SDK1: variants seen among roughly 807,000 people sequenced by gnomAD.
SDK1 encodes the protein protein sidekick-1.
A neutral mutation model predicts 245.5 loss-of-function variants in SDK1; 157 were observed. The ratio of observed to expected loss-of-function variants is 0.64; its 90% confidence interval spans 0.56 to 0.73. The LOEUF (loss-of-function observed/expected upper bound fraction) is 0.73. SDK1 is among the 30% of genes least tolerant of loss of function. The pLI, the probability that SDK1 is intolerant of heterozygous loss-of-function variation, is 0.00. For missense variants in SDK1, 3,583 were observed against 3,002.3 expected (o/e 1.19, Z -4.52); for synonymous variants, 1,647 against 1,278.5 (o/e 1.29, Z -6.15).
intron 1 of SDK1, among the ~76,000 whole-genome samples, chr7:3,458,314 G>A (rs1291571637): frequency 6.6e-6 from 1 of 151,930 alleles, no homozygotes; most frequent in Non-Finnish European, 1.5e-5. Flanking sequence ...AATTCATTTA[G>A]GATATAAGCT....
chr7:3,671,151 G>A (rs1194608360), intron 4 of SDK1, among the ~76,000 whole-genome samples: 2 of 152,184 alleles, frequency 1.3e-5, no homozygotes, highest in Non-Finnish European at 2.9e-5. Flanking sequence ...TCATTACTCA[G>A]TATATTTAGA....
intron 28 of SDK1, among the ~76,000 whole-genome samples, chr7:4,145,056 C>T (rs573013155): frequency 6.6e-6 from 1 of 152,304 alleles, no homozygotes; most frequent in East Asian, 1.9e-4. Context: ...GTCTGGTCAA[C>T]CCCAAGCCCC....
In SDK1 at chr7:4,258,043, G is replaced by A. The variant is rs117206844; in HGVS notation, c.6382-7081G>A. Among the ~76,000 whole-genome samples, 32 of 152,266 alleles carry A rather than the reference G, an allele frequency of 2.1e-4. 1 individual carries two copies. In the East Asian group the frequency reaches 3.1e-3, roughly 15 times the overall value. ...CAAGCACTCCCAATTTGTGTCTCCCGCCAGGCCCCCTTCTTGGCACCCACA... is the reference window on the plus strand; with the variant it reads ...CAAGCACTCCCAATTTGTGTCTCCCACCAGGCCCCCTTCTTGGCACCCACA... On this transcript the variant is annotated intron_variant, in intron 44 of 44. Transcript: ENST00000404826.
intron 17 of SDK1, among the ~76,000 whole-genome samples, chr7:4,038,943 A>G (rs1055309238): frequency 1.3e-5 from 2 of 152,246 alleles, no homozygotes; most frequent in Non-Finnish European, 2.9e-5. Flanking sequence ...TTATTGGAAA[A>G]TGCAAATCTG....
At chr7:3,811,845 A>G (rs1161503702) in intron 4 of SDK1, among the ~76,000 whole-genome samples, 1 of 152,228 alleles carries the variant, frequency 6.6e-6, no homozygotes, top group African/African-American at 2.4e-5. Flanking sequence ...AGGCTAGAGA[A>G]CTGGGTCTGT....
intron 1 of SDK1, among the ~76,000 whole-genome samples, chr7:3,528,931 G>A (rs1783246565): frequency 6.6e-6 from 1 of 152,138 alleles, no homozygotes; most frequent in Non-Finnish European, 1.5e-5. Flanking sequence ...AGCTACAGGG[G>A]CTGAAGAAGG....
chr7:4,000,241 G>A (rs987277744), intron 14 of SDK1, among the ~76,000 whole-genome samples: 5 of 152,236 alleles, frequency 3.3e-5, no homozygotes, highest in Non-Finnish European at 5.9e-5. Context: ...TGCTGAGGCT[G>A]AGATGATGTT....
intron 4 of SDK1, among the ~76,000 whole-genome samples, chr7:3,794,888 G>T (rs1002923451): frequency 1.1e-4 from 16 of 151,420 alleles, no homozygotes; most frequent in African/African-American, 2.4e-5. Flanking sequence ...ATGAATTTTT[G>T]GACACTAAAC....
intron 19 of SDK1, among the ~76,000 whole-genome samples, chr7:4,067,561 A>C (rs1779984437): frequency 6.6e-6 from 1 of 152,210 alleles, no homozygotes; most frequent in Admixed American, 6.5e-5. Flanking sequence ...GATTAGATCA[A>C]GGAGAAAGAC....
At chr7:3,640,409 T>A (rs1329320380) in intron 3 of SDK1, among the ~76,000 whole-genome samples, 1 of 152,182 alleles carries the variant, frequency 6.6e-6, no homozygotes, top group East Asian at 1.9e-4. Flanking sequence ...ATAAGCCTAA[T>A]GACTGAGTGA....
chr7:3,347,442 G>A (rs1191393343), intron 1 of SDK1, among the ~76,000 whole-genome samples: 1 of 152,056 alleles, frequency 6.6e-6, no homozygotes, highest in Non-Finnish European at 1.5e-5. Context: ...TGATGAAGTT[G>A]GAACAAAATA....
intron 28 of SDK1, among the ~76,000 whole-genome samples, chr7:4,143,517 G>C (rs1217424574): frequency 6.6e-6 from 1 of 152,186 alleles, no homozygotes; most frequent in Admixed American, 6.5e-5. Context: ...AACTGAGGCT[G>C]GGAGAGGCTG....
intron 2 of SDK1, among the ~76,000 whole-genome samples, chr7:3,632,806 A>G (rs1413989099): frequency 1.3e-5 from 2 of 152,112 alleles, no homozygotes; most frequent in Non-Finnish European, 2.9e-5. Context: ...TCACATATAT[A>G]TCTCTCTCTT....
chr7:3,345,915 T>C (rs924777502), intron 1 of SDK1, among the ~76,000 whole-genome samples: 3 of 152,226 alleles, frequency 2.0e-5, no homozygotes, highest in African/African-American at 7.2e-5. Flanking sequence ...TCTGTTGGAA[T>C]TGCAGTGTCA....
intron 42 of SDK1, among the ~76,000 whole-genome samples, chr7:4,241,269 G>C (rs537013261): frequency 1.2e-4 from 19 of 152,172 alleles, no homozygotes; most frequent in Admixed American, 1.2e-3. Context: ...TTTACTTCCT[G>C]TTTTGTTAAA....
intron 1 of SDK1, among the ~76,000 whole-genome samples, chr7:3,406,061 C>T (rs1255032352): frequency 6.6e-6 from 1 of 152,094 alleles, no homozygotes; most frequent in Non-Finnish European, 1.5e-5. Context: ...GATCCACCTG[C>T]CTTGGCCTCC....
intron 9 of SDK1, among the ~76,000 whole-genome samples, chr7:3,965,119 G>C (rs1417106482): frequency 2.0e-5 from 3 of 152,172 alleles, no homozygotes; most frequent in African/African-American, 7.2e-5. Flanking sequence ...ACTCAGCATT[G>C]CTGTAGTAAC....
intron 1 of SDK1, among the ~76,000 whole-genome samples, chr7:3,317,851 T>C (rs560729911): frequency 6.6e-6 from 1 of 152,318 alleles, no homozygotes; most frequent in Admixed American, 6.5e-5. Flanking sequence ...AACCTTTCAT[T>C]CCAGTTTTTT....
intron 38 of SDK1, among the ~76,000 whole-genome samples, chr7:4,213,271 G>A (rs1190404638): frequency 6.6e-6 from 1 of 152,128 alleles, no homozygotes; most frequent in African/African-American, 2.4e-5. Flanking sequence ...AAATTAGCTG[G>A]GCATGGTGGC....
Sources: gnomAD v4.1 joint callset for allele counts (sites outside exome capture counted in the v4.1 genomes callset) on GRCh38, gnomAD v4.1.1 for gene constraint, MANE v1.5 for transcripts, NCBI Gene and HGNC (gene_info 2026-07-23, HGNC 2026-07-21) for gene names.